The following HMCN1 variants were observed in gnomAD, a reference collection of about 807,000 sequenced individuals.
HMCN1 encodes hemicentin 1.
In HMCN1, 321 loss-of-function variants were observed where a neutral mutation model predicts 625.9. That is an observed-to-expected ratio of 0.51 (90% CI 0.47 to 0.56). The LOEUF (loss-of-function observed/expected upper bound fraction) is 0.56. Ranked by LOEUF, HMCN1 falls within the 20% of genes least tolerant of loss-of-function variation. The probability of loss-of-function intolerance (pLI) is 0.00; values close to 1 mark genes in which losing one functional copy is unlikely to be tolerated. For missense variants in HMCN1, 6,588 were observed against 6,887.3 expected (o/e 0.96, Z 1.54); for synonymous variants, 2,425 against 2,417.6 (o/e 1.00, Z -0.09).
At chr1:186,144,150 A>C (rs1405472738) in intron 89 of HMCN1, 23 bp from the exon 90 acceptor site, 1 of 1,563,588 alleles carries the variant, frequency 6.4e-7, no homozygotes, top group Non-Finnish European at 8.6e-7. Context: ...GTGACTTGCA[A>C]CTGTCTTTTG....
chr1:185,832,963 A>T (rs1660955276), intron 1 of HMCN1, among the ~76,000 whole-genome samples: 1 of 152,230 alleles, frequency 6.6e-6, no homozygotes, highest in African/African-American at 2.4e-5. Context: ...ATTTTATACA[A>T]GAGAAATTCA....
chr1:185,788,663 A>G (rs1046758549), intron 1 of HMCN1, among the ~76,000 whole-genome samples: 29 of 152,280 alleles, frequency 1.9e-4, no homozygotes, highest in African/African-American at 6.7e-4. Flanking sequence ...ATATCACTGA[A>G]ACATTTCCTG....
chr1:186,039,805 A>C lies in HMCN1; in HGVS notation c.6106A>C (p.Arg2036=), dbSNP rs1276308254. The C allele has an allele frequency of 6.2e-7, 1 of 1,613,458 alleles. No individual in the cohort carries two copies. Among genetic ancestry groups the C allele is most frequent in the Non-Finnish European group, 8.5e-7 (1 of 1,179,644 alleles). ...CCCGGTGAGGTTAGAATGTGAAGCC[A>C]GAGGTATTCCTGCCCCAAGTCTGAC... ...NNPVRLECEA[R]GIPAPSLTWL... Residue 2036 remains arginine, a synonymous_variant, in exon 39 of 107, where the codon AGA becomes CGA. Transcript: ENST00000271588.
At chr1:185,766,842 A>T (rs145948534) in intron 1 of HMCN1, among the ~76,000 whole-genome samples, 2 of 152,086 alleles carry the variant, frequency 1.3e-5, no homozygotes, top group African/African-American at 4.8e-5. Context: ...AGCAGAAACA[A>T]CCAACCACCG....
intron 45 of HMCN1, among the ~76,000 whole-genome samples, chr1:186,055,894 G>GA (rs1657289072): frequency 6.6e-6 from 1 of 151,814 alleles, no homozygotes; most frequent in Admixed American, 6.6e-5. Flanking sequence ...ATTCTTTAAG[G>GA]AAAGCACACA....
intron 6 of HMCN1, among the ~76,000 whole-genome samples, chr1:185,915,367 G>C (rs1334977493): frequency 6.6e-6 from 1 of 151,976 alleles, no homozygotes. Flanking sequence ...TGTAACCACA[G>C]AAACTCTTGA....
At chr1:186,145,713 G>A in intron 92 of HMCN1, 40 bp from the exon 93 acceptor site, 1 of 1,572,032 alleles carries the variant, frequency 6.4e-7, no homozygotes, top group South Asian at 1.1e-5. Context: ...AGATTTTGAA[G>A]CCAATTTCTT....
At chr1:186,070,576 A>G (rs1360490277) in intron 51 of HMCN1, 36 bp from the exon 52 acceptor site, 3 of 1,572,256 alleles carry the variant, frequency 1.9e-6, no homozygotes, top group Admixed American at 3.3e-5. Context: ...ATTGAAAATA[A>G]CCAATGTCTA....
At chr1:185,927,008 TG>T (rs549006875) in intron 9 of HMCN1, among the ~76,000 whole-genome samples, 180 of 152,348 alleles carry the variant, frequency 1.2e-3, no homozygotes, top group African/African-American at 4.1e-3. Context: ...CAAGTATAAC[TG>T]TAAAGAACAT....
intron 6 of HMCN1, among the ~76,000 whole-genome samples, chr1:185,920,225 AT>A (rs199567146): frequency 6.6e-6 from 1 of 151,956 alleles, no homozygotes; most frequent in African/African-American, 2.4e-5. Context: ...AAATTAGCTC[AT>A]TTTTTTTCTT....
chr1:186,094,931 T>C (rs1488292608), intron 67 of HMCN1, among the ~76,000 whole-genome samples: 1 of 152,166 alleles, frequency 6.6e-6, no homozygotes, highest in Non-Finnish European at 1.5e-5. Flanking sequence ...AGAATACTAC[T>C]AAAACTATTA....
At chr1:186,102,084 A>G (rs1660408003) in intron 68 of HMCN1, among the ~76,000 whole-genome samples, 2 of 152,120 alleles carry the variant, frequency 1.3e-5, no homozygotes, top group African/African-American at 4.8e-5. Flanking sequence ...ATAATGACAA[A>G]GATAGATCTA....
chr1:185,902,912 T>A (rs1272997206), intron 4 of HMCN1, among the ~76,000 whole-genome samples: 1 of 151,490 alleles, frequency 6.6e-6, no homozygotes, highest in African/African-American at 2.4e-5. Context: ...TCACTGAGAT[T>A]TGGCCATTCT....
chr1:185,934,004 G>T (rs1667692319), intron 11 of HMCN1, among the ~76,000 whole-genome samples, 180 bp downstream of exon 11: 1 of 152,126 alleles, frequency 6.6e-6, no homozygotes, highest in Admixed American at 6.6e-5. Flanking sequence ...AAACTAAAAT[G>T]TCACTAACAA....
chr1:186,152,685 A>G lies in HMCN1; in HGVS notation c.14897-65A>G, dbSNP rs536572692. 1.8e-5 allele frequency: 29 copies of G among 1,604,646 alleles called. No individual in the cohort carries two copies. In the South Asian group the frequency reaches 2.9e-4, roughly 16 times the overall value. ...ATAGCTGAACTGGTATGTAAGGTAAATCTGCTCTGTGCTTACAGAAACCAT... is the reference window on the plus strand; with the variant it reads ...ATAGCTGAACTGGTATGTAAGGTAAGTCTGCTCTGTGCTTACAGAAACCAT... On this transcript the variant is annotated intron_variant, in intron 95 of 106. Transcript: ENST00000271588.
At chr1:185,763,677 T>G (rs140939558) in intron 1 of HMCN1, among the ~76,000 whole-genome samples, 19 of 152,284 alleles carry the variant, frequency 1.2e-4, no homozygotes, top group African/African-American at 4.6e-4. Context: ...TGCCAGATGG[T>G]CATGTATATT....
intron 10 of HMCN1, among the ~76,000 whole-genome samples, chr1:185,932,856 GAACC>G (rs1667622997): frequency 6.6e-6 from 1 of 152,066 alleles, no homozygotes; most frequent in African/African-American, 2.4e-5. Context: ...ATAATAAAAA[GAACC>G]AACTAACTAG....
chr1:186,006,287 C>G (rs1439198990), intron 29 of HMCN1, among the ~76,000 whole-genome samples: 1 of 152,030 alleles, frequency 6.6e-6, no homozygotes, highest in Non-Finnish European at 1.5e-5. Flanking sequence ...CATAGTCTTA[C>G]TAGTGTATTA....
chr1:185,948,406 G>A (rs1342899107), intron 11 of HMCN1, among the ~76,000 whole-genome samples: 4 of 150,822 alleles, frequency 2.7e-5, no homozygotes, highest in East Asian at 3.9e-4. Flanking sequence ...GGGTGGGGCC[G>A]TTTTATAGGA....
Sources: gnomAD v4.1 joint callset for allele counts (sites outside exome capture counted in the v4.1 genomes callset) on GRCh38, gnomAD v4.1.1 for gene constraint, MANE v1.5 for transcripts, NCBI Gene and HGNC (gene_info 2026-07-23, HGNC 2026-07-21) for gene names.